TENM3: variants seen among roughly 807,000 people sequenced by gnomAD.
TENM3 encodes teneurin transmembrane protein 3.
In TENM3, 63 loss-of-function variants were observed where a neutral mutation model predicts 255.1. The ratio of observed to expected loss-of-function variants is 0.25; its 90% confidence interval spans 0.20 to 0.30. The LOEUF (loss-of-function observed/expected upper bound fraction) is 0.30. TENM3 is among the 10% of genes least tolerant of loss of function. TENM3 has a pLI of 1.00. For missense variants in TENM3, 2,929 were observed against 3,461.1 expected (o/e 0.85, Z 3.86); for synonymous variants, 1,306 against 1,322.3 (o/e 0.99, Z 0.27).
At chr4:182,722,661 A>G (rs1452285174) in intron 13 of TENM3, among the ~76,000 whole-genome samples, 1 of 152,222 alleles carries the variant, frequency 6.6e-6, no homozygotes, top group African/African-American at 2.4e-5. Context: ...GAGACCAAGT[A>G]AAGGAAGCAT....
chr4:181,790,509 C>T, the TENM3 span, among the ~76,000 whole-genome samples: 1 of 152,006 alleles, frequency 6.6e-6, no homozygotes, highest in African/African-American at 2.4e-5. Context: ...TCAAGAAGTC[C>T]AAGCTGCAAA....
At chr4:182,447,529 C>T (rs1385611597) in intron 3 of TENM3, among the ~76,000 whole-genome samples, 2 of 152,136 alleles carry the variant, frequency 1.3e-5, no homozygotes, top group African/African-American at 4.8e-5. Context: ...AGCATTTTGT[C>T]TTTACTGGAG....
chr4:182,376,080 T>C (rs1767160195), intron 3 of TENM3, among the ~76,000 whole-genome samples: 1 of 152,220 alleles, frequency 6.6e-6, no homozygotes, highest in Non-Finnish European at 1.5e-5. Flanking sequence ...TTAAAATTAT[T>C]TTCCTAATCT....
chr4:182,257,582 C>G (rs1335562775), intron 1 of TENM3, among the ~76,000 whole-genome samples: 2 of 152,106 alleles, frequency 1.3e-5, no homozygotes, highest in Non-Finnish European at 2.9e-5. Flanking sequence ...ATCAACACTG[C>G]CCAAGGATGC....
At chr4:181,574,359 G>A in the TENM3 span, among the ~76,000 whole-genome samples, 2 of 151,384 alleles carry the variant, frequency 1.3e-5, no homozygotes, top group African/African-American at 4.9e-5. Context: ...GTGAAACCCC[G>A]TCTCTACTAA....
rs1561277981 is a variant in TENM3 at position 182,801,947 on chromosome 4, A to G, written c.*1596A>G. 1 of 152,606 alleles carries G rather than the reference A, an allele frequency of 6.6e-6. No homozygotes were observed. The highest frequency in any genetic ancestry group is 1.5e-5 in the Non-Finnish European group (1 of 68,034). 9.5% of individuals were successfully genotyped at this position (152,606 alleles called of 1,614,324 possible). A position where few individuals can be genotyped will look rare whatever the true frequency, so the allele number is the denominator to read the frequency against. On this transcript the variant is annotated 3_prime_UTR_variant, in exon 28 of 28. Transcript: ENST00000511685. ...TCAGCCACGAAAATATTTTTAGAAG[A>G]TATTTCTCAGTTCATCGAGCTATAG...
At chr4:182,251,814 T>C (rs760213405) in intron 1 of TENM3, among the ~76,000 whole-genome samples, 12 of 152,226 alleles carry the variant, frequency 7.9e-5, no homozygotes, top group Non-Finnish European at 1.2e-4. Context: ...TTGGTGACTG[T>C]AAATGAGATC....
intron 3 of TENM3, among the ~76,000 whole-genome samples, chr4:182,470,732 C>T (rs62337185): frequency 0.06 from 9,147 of 152,206 alleles, 407 homozygotes; most frequent in African/African-American, 0.12. Flanking sequence ...AGCTCTAAAA[C>T]TTCACCATGG....
intron 13 of TENM3, among the ~76,000 whole-genome samples, chr4:182,715,549 T>A (rs975738542): frequency 1.3e-5 from 2 of 152,218 alleles, no homozygotes; most frequent in Non-Finnish European, 2.9e-5. Context: ...CAGAGCCTGC[T>A]CTAAGTAGCA....
chr4:182,532,334 G>C (rs935307210), intron 3 of TENM3, among the ~76,000 whole-genome samples: 2 of 152,140 alleles, frequency 1.3e-5, no homozygotes, highest in African/African-American at 4.8e-5. Flanking sequence ...ACCTAGAATA[G>C]TGACTGACAC....
the TENM3 span, among the ~76,000 whole-genome samples, chr4:182,068,757 G>A: frequency 6.6e-6 from 1 of 152,062 alleles, no homozygotes; most frequent in African/African-American, 2.4e-5. Flanking sequence ...TTCTGGTGAT[G>A]CATATTAATG....
At chr4:182,397,302 G>A (rs2151009659) in intron 3 of TENM3, among the ~76,000 whole-genome samples, 1 of 148,232 alleles carries the variant, frequency 6.7e-6, no homozygotes, top group South Asian at 2.2e-4. Context: ...TTGGGAGGCT[G>A]AGGCAGGAGA....
At chr4:181,527,825 T>TA in the TENM3 span, among the ~76,000 whole-genome samples, 1 of 151,968 alleles carries the variant, frequency 6.6e-6, no homozygotes, top group Admixed American at 6.6e-5. Context: ...TTTAATGTAA[T>TA]ATATGTACAC....
chr4:181,507,442 C>T, the TENM3 span, among the ~76,000 whole-genome samples: 1 of 152,180 alleles, frequency 6.6e-6, no homozygotes, highest in Non-Finnish European at 1.5e-5. Flanking sequence ...GTTTACGAAA[C>T]GATTCCTAAA....
In TENM3 at chr4:182,608,724, G is replaced by A. The variant is rs539472589; in HGVS notation, c.749+7563G>A. On this transcript the variant is annotated intron_variant, in intron 4 of 27. Transcript: ENST00000511685. ...CCGCTCAGGTCAGGGCTAGGACCCA[G>A]CACTGGCTTTGCTGGACAGGCCATC... Among the ~76,000 whole-genome samples the A allele has an allele frequency of 2.0e-5, 3 of 152,332 alleles. No homozygotes were observed. In the South Asian group the frequency reaches 6.2e-4, roughly 32 times the overall value.
chr4:182,089,552 C>G, the TENM3 span, among the ~76,000 whole-genome samples: 1 of 152,218 alleles, frequency 6.6e-6, no homozygotes, highest in African/African-American at 2.4e-5. Flanking sequence ...GAGGCTAATA[C>G]CTAGTGAGGA....
At chr4:182,014,053 CGTGT>C in the TENM3 span, among the ~76,000 whole-genome samples, 105 of 36,218 alleles carry the variant, frequency 2.9e-3, 6 homozygotes, top group South Asian at 1.7e-3. Flanking sequence ...CGTATATATA[CGTGT>C]ATATACGTAT....
At chr4:182,744,128 T>C in intron 19 of TENM3, 1 of 813,696 alleles carries the variant, frequency 1.2e-6, no homozygotes, top group Non-Finnish European at 1.5e-6. Flanking sequence ...CCTTTTTTTA[T>C]CTGCTTCCAC....
chr4:182,792,254 A>T lies in TENM3; in HGVS notation c.5602-20A>T, dbSNP rs542731473. The T allele has an allele frequency of 2.5e-6, 4 of 1,599,136 alleles. No individual in the cohort carries two copies. In the South Asian group the frequency reaches 4.4e-5, roughly 18 times the overall value. ...CTCCCGTTCACAAACACTGAGTAAC[A>T]GTATGTTCTCTCTTTACAGTCCATG... On this transcript the variant is annotated intron_variant, in intron 25 of 27. Transcript: ENST00000511685. The surrounding 1 kb of genome is among the most constrained non-coding windows in gnomAD (Gnocchi z 6.3).
Sources: gnomAD v4.1 joint callset for allele counts (sites outside exome capture counted in the v4.1 genomes callset) on GRCh38, gnomAD v4.1.1 for gene constraint, Gnocchi (gnomAD v3.1) non-coding constraint, MANE v1.5 for transcripts, NCBI Gene and HGNC (gene_info 2026-07-23, HGNC 2026-07-21) for gene names.